Variants in DLC1 observed in about 807,000 individuals in gnomAD.
DLC1 encodes DLC1 Rho GTPase activating protein, also known as rho GTPase-activating protein 7.
A neutral mutation model predicts 140.3 loss-of-function variants in DLC1; 54 were observed. The observed-to-expected ratio is 0.38, with a 90% CI of 0.31 to 0.48. The LOEUF is 0.48. Among genes scored for constraint, DLC1 ranks in the 20% least tolerant of loss-of-function variants. The pLI, the probability that DLC1 is intolerant of heterozygous loss-of-function variation, is 0.96. For missense variants in DLC1, 2,536 were observed against 1,907.0 expected (o/e 1.33, Z -6.14); for synonymous variants, 986 against 728.1 (o/e 1.35, Z -5.70).
intron 5 of DLC1, among the ~76,000 whole-genome samples, chr8:13,231,864 T>C (rs867146237): frequency 6.6e-6 from 1 of 152,254 alleles, no homozygotes. Context: ...TATGTAGATA[T>C]GCTTAATTAT....
rs1411254512 is a variant in DLC1 at position 13,095,200 on chromosome 8, C to T, written c.3213G>A (p.Lys1071=). The change falls in exon 11 of 18, where the codon AAG becomes AAA. Residue 1071 remains lysine, a synonymous_variant. Transcript: ENST00000276297. ...FMKRIKVPDY[K]DRSVFGVPLT... is the part of the protein sequence containing the mutation. ...GTGGGACCCCAAACACACTCCGGTC[C>T]TTGTAGTCTGGAACCTTGATCCTCT... The T allele has an allele frequency of 1.2e-6, 2 of 1,614,236 alleles. No individual in the cohort carries two copies. The highest frequency in any genetic ancestry group is 1.3e-5 in the African/African-American group (1 of 75,064).
intron 2 of DLC1, among the ~76,000 whole-genome samples, chr8:13,489,013 T>G (rs1170795981): frequency 6.6e-6 from 1 of 152,130 alleles, no homozygotes; most frequent in Non-Finnish European, 1.5e-5. Context: ...AGTGGCGTGA[T>G]CTTGGCTCAC....
chr8:13,567,118 G>T (rs2117397987), intron 1 of DLC1: 1 of 1,551,772 alleles, frequency 6.4e-7, no homozygotes, highest in Non-Finnish European at 8.7e-7. Context: ...CTCCTCTGGA[G>T]GACGGCAGTC....
intron 5 of DLC1, among the ~76,000 whole-genome samples, chr8:13,136,046 T>C (rs1017177367): frequency 4.6e-5 from 7 of 152,354 alleles, no homozygotes; most frequent in East Asian, 1.9e-4. Flanking sequence ...AAGCCCCAAT[T>C]TGTATAGCTT....
chr8:13,462,644 G>T lies in DLC1; in HGVS notation c.1023+36405C>A, dbSNP rs1176178371. Among the ~76,000 whole-genome samples the T allele has an allele frequency of 1.3e-5, 2 of 152,142 alleles. 1 individual carries two copies. The highest frequency in any genetic ancestry group is 3.9e-4 in the East Asian group (2 of 5,184). ...GATGGTCTCGATCTCCTGACTTCAT[G>T]ATCTGCCTGCCTCGGTCTCCCAAAG... is the stretch of plus-strand genomic sequence containing the variant. On this transcript the variant is annotated intron_variant, in intron 2 of 17. Transcript: ENST00000276297.
intron 2 of DLC1, among the ~76,000 whole-genome samples, chr8:13,454,691 A>G (rs904793193): frequency 1.3e-5 from 2 of 152,142 alleles, no homozygotes; most frequent in African/African-American, 4.8e-5. Flanking sequence ...AGTAGCTGGA[A>G]CTATAGGTAT....
At chr8:13,120,368 T>TATATATATATATAA (rs1820955801) in intron 5 of DLC1, among the ~76,000 whole-genome samples, 1 of 114,790 alleles carries the variant, frequency 8.7e-6, no homozygotes, top group Non-Finnish European at 1.8e-5. Context: ...TATATATATA[T>TATATATATATATAA]ATAAAATGTA....
At chr8:13,194,551 T>A (rs1309493229) in intron 5 of DLC1, among the ~76,000 whole-genome samples, 1 of 152,196 alleles carries the variant, frequency 6.6e-6, no homozygotes, top group Non-Finnish European at 1.5e-5. Context: ...GGAAGCTGAG[T>A]CAACACACCT....
intron 3 of DLC1, among the ~76,000 whole-genome samples, 180 bp downstream of exon 3, chr8:13,401,290 A>T (rs759088803): frequency 6.6e-6 from 1 of 152,242 alleles, no homozygotes; most frequent in Non-Finnish European, 1.5e-5. Context: ...CTCTCTGCAT[A>T]GAATTATGCA....
At chr8:13,299,403 G>A (rs574581851) in intron 5 of DLC1, among the ~76,000 whole-genome samples, 33 of 149,614 alleles carry the variant, frequency 2.2e-4, no homozygotes, top group Admixed American at 1.4e-3. Flanking sequence ...AGTCGAGACC[G>A]TGTCATTGCA....
intron 5 of DLC1, among the ~76,000 whole-genome samples, chr8:13,122,224 C>T (rs1397069451): frequency 1.3e-5 from 2 of 152,166 alleles, no homozygotes; most frequent in Non-Finnish European, 2.9e-5. Flanking sequence ...ATCCAAACTC[C>T]TCAGCAAAGA....
At chr8:13,359,198 A>G (rs1278001639) in intron 4 of DLC1, among the ~76,000 whole-genome samples, 1 of 152,124 alleles carries the variant, frequency 6.6e-6, no homozygotes, top group Non-Finnish European at 1.5e-5. Flanking sequence ...TCGGCCTCCC[A>G]AATTGCTGGG....
intron 1 of DLC1, among the ~76,000 whole-genome samples, chr8:13,602,185 A>G (rs1327442472): frequency 6.6e-6 from 1 of 151,926 alleles, no homozygotes; most frequent in Non-Finnish European, 1.5e-5. Context: ...CAAAATCCAG[A>G]AAGAAAAAGT....
intron 4 of DLC1, among the ~76,000 whole-genome samples, chr8:13,358,198 C>T (rs559442754): frequency 6.6e-6 from 1 of 152,154 alleles, no homozygotes; most frequent in Non-Finnish European, 1.5e-5. Context: ...ACTTAATTAA[C>T]TAAAACCAAT....
intron 5 of DLC1, among the ~76,000 whole-genome samples, chr8:13,150,052 A>G (rs763760536): frequency 3.6e-4 from 55 of 152,324 alleles, no homozygotes; most frequent in Non-Finnish European, 6.3e-4. Context: ...TATTGCCCAT[A>G]AAACCGACAC....
At chr8:13,521,461 G>T (rs924435198) in intron 1 of DLC1, among the ~76,000 whole-genome samples, 4 of 151,778 alleles carry the variant, frequency 2.6e-5, no homozygotes, top group Non-Finnish European at 5.9e-5. Flanking sequence ...ACAGTCTTCA[G>T]CTTCTCTTAT....
At chr8:13,591,564 C>T (rs958976554) in intron 1 of DLC1, among the ~76,000 whole-genome samples, 2 of 152,090 alleles carry the variant, frequency 1.3e-5, no homozygotes, top group Non-Finnish European at 2.9e-5. Flanking sequence ...TCATAAATTA[C>T]CCAGTCTTGG....
intron 2 of DLC1, among the ~76,000 whole-genome samples, chr8:13,489,594 A>G (rs1272960956): frequency 6.8e-6 from 1 of 147,246 alleles, no homozygotes; most frequent in Non-Finnish European, 1.5e-5. Flanking sequence ...AAAAAAAAAA[A>G]CTGTGCCATA....
chr8:13,088,628 C>T lies in DLC1; in HGVS notation c.4151G>A (p.Arg1384His), dbSNP rs756715684. The change falls in exon 16 of 18, where the codon CGC becomes CAC. Residue 1384 changes from arginine (R) to histidine (H), a missense_variant. Transcript: ENST00000276297. Reference protein sequence around the residue: ...VPAVPEEILKRLLKEQHLWDV... With the variant: ...VPAVPEEILKHLLKEQHLWDV... ...CCAGAGGTGCTGTTCTTTAAGTAGG[C>T]GCTTTAAGATTTCCTCTGGCACAGC... The T allele has an allele frequency of 6.2e-6, 10 of 1,614,104 alleles. No individual in the cohort carries two copies. Among genetic ancestry groups the T allele is most frequent in the Middle Eastern group, 1.6e-4 (1 of 6,062 alleles).
Sources: gnomAD v4.1 joint callset for allele counts (sites outside exome capture counted in the v4.1 genomes callset) on GRCh38, gnomAD v4.1.1 for gene constraint, MANE v1.5 for transcripts, NCBI Gene and HGNC (gene_info 2026-07-23, HGNC 2026-07-21) for gene names.